DNAJC24: variants seen among roughly 807,000 people sequenced by gnomAD.
DNAJC24 encodes the protein dnaJ homolog subfamily C member 24.
Under a neutral mutation model 18.0 loss-of-function variants are expected in DNAJC24, and 17 were observed. That is an observed-to-expected ratio of 0.94 (90% CI 0.65 to 1.42). DNAJC24 has a LOEUF of 1.42. Ranked by LOEUF, DNAJC24 falls within the 40% of genes most tolerant of loss-of-function variation. The pLI is 0.00. For synonymous variants in DNAJC24, 55 were observed against 57.7 expected (o/e 0.95, Z 0.21); for missense variants, 158 against 175.6 (o/e 0.90, Z 0.57).
intron 3 of DNAJC24, among the ~76,000 whole-genome samples, chr11:31,425,898 T>A (rs1952856161): frequency 6.6e-6 from 1 of 152,200 alleles, no homozygotes. Context: ...GTTATTTTTA[T>A]CTAAGTCCAC....
At chr11:31,399,193 A>G (rs1053737015) in intron 2 of DNAJC24, among the ~76,000 whole-genome samples, 8 of 152,294 alleles carry the variant, frequency 5.3e-5, no homozygotes, top group Middle Eastern at 6.8e-3. Context: ...CTACACTTGC[A>G]TATATTCAAA....
intron 2 of DNAJC24, among the ~76,000 whole-genome samples, chr11:31,376,382 A>T (rs1317471503): frequency 6.6e-6 from 1 of 152,192 alleles, no homozygotes; most frequent in African/African-American, 2.4e-5. Flanking sequence ...CTTATATTAC[A>T]GTTCAGCGCA....
intron 2 of DNAJC24, among the ~76,000 whole-genome samples, chr11:31,404,356 A>T (rs917919528): frequency 1.4e-4 from 21 of 152,132 alleles, no homozygotes; most frequent in Non-Finnish European, 2.5e-4. Flanking sequence ...TGTGACTTTA[A>T]CTTCCTTGGC....
chr11:31,408,966 T>C (rs1564954950), intron 2 of DNAJC24, among the ~76,000 whole-genome samples: 1 of 152,214 alleles, frequency 6.6e-6, no homozygotes, highest in Non-Finnish European at 1.5e-5. Context: ...ATTTATGGTA[T>C]TTTAATTTTG....
chr11:31,385,352 G>T (rs551848960), intron 2 of DNAJC24, among the ~76,000 whole-genome samples: 1 of 152,202 alleles, frequency 6.6e-6, no homozygotes, highest in East Asian at 1.9e-4. Context: ...TTCAAACTTT[G>T]GTGACTATCT....
chr11:31,376,461 A>G (rs1003740639), intron 2 of DNAJC24, among the ~76,000 whole-genome samples: 1 of 152,220 alleles, frequency 6.6e-6, no homozygotes, highest in Admixed American at 6.5e-5. Context: ...GCTAGGAAGT[A>G]TAGAGTAGTA....
chr11:31,398,697 A>G (rs1952568919), intron 2 of DNAJC24, among the ~76,000 whole-genome samples: 1 of 152,194 alleles, frequency 6.6e-6, no homozygotes, highest in Non-Finnish European at 1.5e-5. Flanking sequence ...TTAATATGGC[A>G]GAATGATCAA....
chr11:31,398,905 T>C (rs1952570853), intron 2 of DNAJC24, among the ~76,000 whole-genome samples: 1 of 152,124 alleles, frequency 6.6e-6, no homozygotes, highest in Non-Finnish European at 1.5e-5. Context: ...TCCTTAATTG[T>C]ATAAAAAAAC....
intron 3 of DNAJC24, 71 bp from the exon 4 acceptor site, chr11:31,426,216 T>A: frequency 9.6e-7 from 1 of 1,037,116 alleles, no homozygotes; most frequent in South Asian, 1.4e-5. Context: ...GCGTTGCCTT[T>A]TTAGCATTCT....
At chr11:31,378,656 T>C (rs552455909) in intron 2 of DNAJC24, among the ~76,000 whole-genome samples, 2 of 148,814 alleles carry the variant, frequency 1.3e-5, no homozygotes, top group African/African-American at 2.5e-5. Context: ...TTTCCAGTGG[T>C]TTTTTTTTTA....
At position 31,377,570 on chromosome 11, in the gene DNAJC24, A is replaced by C. The variant is rs185225454; in HGVS notation, c.111+6711A>C. On this transcript the variant is annotated intron_variant, in intron 2 of 4. Transcript: ENST00000465995. ...TAAATCAATTGTGAATTGATTTTTAAAATTTTTTTTAGTTTTCTATTAAAA... is the reference window on the plus strand; with the variant it reads ...TAAATCAATTGTGAATTGATTTTTACAATTTTTTTTAGTTTTCTATTAAAA... Among the ~76,000 whole-genome samples the C allele has an allele frequency of 2.9e-3, 449 of 152,206 alleles. 2 individuals are homozygous for C. Among genetic ancestry groups the C allele is most frequent in the African/African-American group, 9.9e-3 (413 of 41,562 alleles).
chr11:31,425,185 C>T (rs1952849552), intron 3 of DNAJC24, among the ~76,000 whole-genome samples: 2 of 152,062 alleles, frequency 1.3e-5, no homozygotes, highest in African/African-American at 4.8e-5. Context: ...GCAGCAAAAA[C>T]TTTGGACCAG....
intron 3 of DNAJC24, among the ~76,000 whole-genome samples, chr11:31,422,365 T>C (rs560313209): frequency 2.0e-4 from 31 of 152,310 alleles, no homozygotes; most frequent in African/African-American, 7.5e-4. Flanking sequence ...ATTGGACTCA[T>C]TATAAGAGTA....
At chr11:31,377,311 T>C (rs1952326390) in intron 2 of DNAJC24, among the ~76,000 whole-genome samples, 1 of 152,112 alleles carries the variant, frequency 6.6e-6, no homozygotes, top group African/African-American at 2.4e-5. Flanking sequence ...TAATGCTTAC[T>C]CAGGGTCCTG....
chr11:31,375,930 A>G lies in DNAJC24; in HGVS notation c.111+5071A>G, dbSNP rs1404869274. On this transcript the variant is annotated intron_variant, in intron 2 of 4. Transcript: ENST00000465995. ...TCAGCTAACAACCTGGCAGCAGGCAACAAGAGACAATACATCTGATATAAT... is the reference window on the plus strand; with the variant it reads ...TCAGCTAACAACCTGGCAGCAGGCAGCAAGAGACAATACATCTGATATAAT... 1.5e-5 allele frequency among the ~76,000 whole-genome samples: 2 copies of G among 135,326 alleles called. 1 individual carries two copies. The highest frequency in any genetic ancestry group is 3.4e-5 in the Non-Finnish European group (2 of 58,430). 88.8% of individuals were successfully genotyped at this position (135,326 alleles called of 152,430 possible). A position where few individuals can be genotyped will look rare whatever the true frequency, so the allele number is the denominator to read the frequency against.
intron 2 of DNAJC24, among the ~76,000 whole-genome samples, chr11:31,394,956 G>A (rs1043441221): frequency 5.3e-5 from 8 of 152,124 alleles, no homozygotes; most frequent in Non-Finnish European, 1.2e-4. Flanking sequence ...GGGGTTTGAT[G>A]TATAGATTAT....
intron 1 of DNAJC24, among the ~76,000 whole-genome samples, chr11:31,370,365 C>G (rs1306911971): frequency 2.0e-5 from 3 of 152,038 alleles, no homozygotes; most frequent in Non-Finnish European, 4.4e-5. Context: ...GCTCCTCCAG[C>G]GTGTTTAGTG....
At chr11:31,376,239 G>A (rs1346352616) in intron 2 of DNAJC24, among the ~76,000 whole-genome samples, 2 of 152,164 alleles carry the variant, frequency 1.3e-5, no homozygotes, top group African/African-American at 4.8e-5. Context: ...GTGGAACTTT[G>A]AACCATTAAA....
rs916053783 is a variant in DNAJC24, at chr11:31,432,529, G to T, written c.*2128G>T. On this transcript the variant is annotated 3_prime_UTR_variant, in exon 5 of 5. Coordinates refer to ENST00000465995, the MANE Select transcript of DNAJC24 (RefSeq NM_181706.5). ...TCATCAGAAAATCTGTGGCCATTAGGGCTGGCACGTAAAAATCCAAAATCA... is the reference window on the plus strand; with the variant it reads ...TCATCAGAAAATCTGTGGCCATTAGTGCTGGCACGTAAAAATCCAAAATCA... 2 of 1,612,876 alleles carry T rather than the reference G, an allele frequency of 1.2e-6. No homozygotes were observed. The highest frequency in any genetic ancestry group is 1.7e-6 in the Non-Finnish European group (2 of 1,179,298).
Sources: gnomAD v4.1 joint callset for allele counts (sites outside exome capture counted in the v4.1 genomes callset) on GRCh38, gnomAD v4.1.1 for gene constraint, MANE v1.5 for transcripts, NCBI Gene and HGNC (gene_info 2026-07-23, HGNC 2026-07-21) for gene names.